The following CDH13 variants were observed in gnomAD, a reference collection of about 807,000 sequenced individuals.
CDH13 encodes the protein cadherin-13.
CDH13 carries 24 observed loss-of-function variants against 63.8 expected under a neutral mutation model. That is an observed-to-expected ratio of 0.38 (90% CI 0.27 to 0.53). CDH13 has a LOEUF of 0.53. Ranked by LOEUF, CDH13 falls within the 20% of genes least tolerant of loss-of-function variation. The pLI, the probability that CDH13 is intolerant of heterozygous loss-of-function variation, is 0.85. For missense variants in CDH13, 1,049 were observed against 903.1 expected (o/e 1.16, Z -2.07); for synonymous variants, 503 against 355.3 (o/e 1.42, Z -4.67).
intron 11 of CDH13, among the ~76,000 whole-genome samples, chr16:83,761,122 G>T (rs984647865): frequency 3.3e-5 from 5 of 152,184 alleles, no homozygotes; most frequent in African/African-American, 1.2e-4. Flanking sequence ...ACCCCTTAGA[G>T]GATACAAACT....
chr16:83,332,925 A>G (rs768938603), intron 5 of CDH13, among the ~76,000 whole-genome samples: 2 of 152,258 alleles, frequency 1.3e-5, no homozygotes, highest in Non-Finnish European at 2.9e-5. Flanking sequence ...CAAAAATTTT[A>G]AAGTAAAATT....
chr16:83,308,436 CTCAGAAGATCTCCT>C (rs1291732569), intron 5 of CDH13, among the ~76,000 whole-genome samples: 2 of 152,192 alleles, frequency 1.3e-5, no homozygotes, highest in Non-Finnish European at 2.9e-5. Flanking sequence ...TTCTAATATT[CTCAGAAGATCTCCT>C]ACATGAATTC....
At chr16:83,500,689 C>T (rs2074264684) in intron 7 of CDH13, among the ~76,000 whole-genome samples, 2 of 148,950 alleles carry the variant, frequency 1.3e-5, no homozygotes, top group African/African-American at 2.5e-5. Flanking sequence ...TCTCGCACCT[C>T]AGCCTCCTGA....
chr16:83,449,824 T>G (rs11646098), intron 6 of CDH13, among the ~76,000 whole-genome samples: 6 of 152,304 alleles, frequency 3.9e-5, no homozygotes, highest in Admixed American at 3.9e-4. Flanking sequence ...TGGTTTGTTT[T>G]GAAGAGAAAA....
At chr16:83,318,260 T>A (rs2090146980) in intron 5 of CDH13, among the ~76,000 whole-genome samples, 1 of 152,198 alleles carries the variant, frequency 6.6e-6, no homozygotes. Context: ...GAGTGTGGGT[T>A]GTCTAGGGAA....
chr16:83,512,459 A>G (rs2074594797), intron 7 of CDH13, among the ~76,000 whole-genome samples: 1 of 150,964 alleles, frequency 6.6e-6, no homozygotes, highest in African/African-American at 2.4e-5. Flanking sequence ...TCACGAGGTC[A>G]GGAGTTTGAG....
At chr16:83,342,578 T>G (rs1270621913) in intron 5 of CDH13, among the ~76,000 whole-genome samples, 1 of 152,214 alleles carries the variant, frequency 6.6e-6, no homozygotes, top group Non-Finnish European at 1.5e-5. Context: ...TTTGCATAAT[T>G]GGTTTTCTGA....
intron 2 of CDH13, among the ~76,000 whole-genome samples, chr16:82,882,979 G>T (rs543189573): frequency 6.6e-6 from 1 of 152,290 alleles, no homozygotes; most frequent in East Asian, 1.9e-4. Flanking sequence ...CCTGTAATGT[G>T]TAGAGGTCTA....
chr16:82,784,392 C>A (rs945575986), intron 1 of CDH13, among the ~76,000 whole-genome samples: 1 of 152,182 alleles, frequency 6.6e-6, no homozygotes, highest in Non-Finnish European at 1.5e-5. Context: ...CACCTACCAG[C>A]AAGGGCAATG....
At chr16:83,367,073 A>G (rs9928742) in intron 6 of CDH13, among the ~76,000 whole-genome samples, 3 of 151,946 alleles carry the variant, frequency 2.0e-5, no homozygotes, top group African/African-American at 4.8e-5. Flanking sequence ...CAATTTTAGA[A>G]CATTTAATGA....
intron 1 of CDH13, chr16:82,824,809 A>T (rs902492788): frequency 6.6e-6 from 1 of 152,248 alleles, no homozygotes; most frequent in Admixed American, 6.5e-5. Context: ...TTCTGATTTA[A>T]AAATAGACTG....
intron 6 of CDH13, among the ~76,000 whole-genome samples, chr16:83,352,893 AAAAT>A (rs930716588): frequency 9.9e-5 from 15 of 152,232 alleles, no homozygotes; most frequent in South Asian, 8.3e-4. Context: ...CCGTCTCAAA[AAAAT>A]AAATAAATAA....
intron 13 of CDH13, among the ~76,000 whole-genome samples, chr16:83,788,097 G>A (rs564164143): frequency 2.0e-5 from 3 of 152,326 alleles, no homozygotes; most frequent in Admixed American, 1.3e-4. Context: ...GTGCACGCAC[G>A]TGTGTGTACC....
chr16:83,357,712 C>G (rs558966101), intron 6 of CDH13, among the ~76,000 whole-genome samples: 2 of 152,276 alleles, frequency 1.3e-5, no homozygotes, highest in South Asian at 4.2e-4. Flanking sequence ...TCATTTGCCT[C>G]AAAATGTCAG....
intron 7 of CDH13, among the ~76,000 whole-genome samples, chr16:83,487,632 C>G (rs1344488429): frequency 1.3e-5 from 2 of 152,212 alleles, no homozygotes; most frequent in Non-Finnish European, 2.9e-5. Flanking sequence ...ATCCTTCACT[C>G]TCCATCCACC....
intron 3 of CDH13, among the ~76,000 whole-genome samples, chr16:83,082,169 A>G (rs146707048): frequency 1.3e-5 from 2 of 152,298 alleles, no homozygotes; most frequent in East Asian, 3.9e-4. Context: ...CAACATAGTA[A>G]TTTGGAGGAG....
intron 10 of CDH13, among the ~76,000 whole-genome samples, chr16:83,680,592 G>A (rs1915324619): frequency 6.6e-6 from 1 of 152,158 alleles, no homozygotes; most frequent in African/African-American, 2.4e-5. Flanking sequence ...GCAGATAAGG[G>A]ACTTCATCCT....
rs145109906 is a variant in CDH13, at chr16:83,171,827, G to A, written c.484-45518G>A. On this transcript the variant is annotated intron_variant, in intron 4 of 13. Transcript: ENST00000567109. ...TTGCAAAGGCATGAATACCTCCACCGGTGCAGATCAACATAAGAAATTTAA... is the reference window on the plus strand; with the variant it reads ...TTGCAAAGGCATGAATACCTCCACCAGTGCAGATCAACATAAGAAATTTAA... Among the ~76,000 whole-genome samples the A allele has an allele frequency of 4.3e-3, 648 of 152,116 alleles. 7 individuals are homozygous for A. The highest frequency in any genetic ancestry group is 0.017 in the Middle Eastern group (5 of 294).
rs1038002225 is a variant in CDH13 at position 82,777,007 on chromosome 16, G to A, written c.46-81355G>A. Among the ~76,000 whole-genome samples the A allele has an allele frequency of 2.0e-5, 3 of 152,294 alleles. No individual in the cohort carries two copies. In the East Asian group the frequency reaches 5.8e-4, roughly 29 times the overall value. On this transcript the variant is annotated intron_variant, in intron 1 of 13. Transcript: ENST00000567109. ...TCAGGTTGGAGTGCAGTGACGTGAT[G>A]CAATCATAGTTTCCTGCAGCCTTGA... is the stretch of plus-strand genomic sequence containing the variant.
Sources: allele counts gnomAD v4.1 joint callset (sites outside exome capture counted in the v4.1 genomes callset), GRCh38; gene constraint gnomAD v4.1.1; transcripts MANE v1.5; gene names NCBI Gene and HGNC (gene_info 2026-07-23, HGNC 2026-07-21).